AGBL4: variants seen among roughly 807,000 people sequenced by gnomAD.
AGBL4 encodes the protein AGBL carboxypeptidase 4, also known as cytosolic carboxypeptidase 6.
AGBL4 carries 58 observed loss-of-function variants against 66.4 expected under a neutral mutation model. The observed-to-expected ratio is 0.87, with a 90% CI of 0.71 to 1.09. The LOEUF (loss-of-function observed/expected upper bound fraction) is 1.09, where lower values mean the gene tolerates loss of function less well. AGBL4 is among the 50% of genes least tolerant of loss of function. The pLI is 0.00. For synonymous variants in AGBL4, 234 were observed against 222.9 expected (o/e 1.05, Z -0.44); for missense variants, 579 against 631.0 (o/e 0.92, Z 0.88).
intron 3 of AGBL4, among the ~76,000 whole-genome samples, chr1:49,541,153 G>C (rs1031752296): frequency 6.6e-6 from 1 of 152,208 alleles, no homozygotes; most frequent in African/African-American, 2.4e-5. Context: ...TACCTGGACT[G>C]TATTTGTGAG....
intron 3 of AGBL4, among the ~76,000 whole-genome samples, chr1:49,343,614 C>T (rs1437409053): frequency 6.6e-6 from 1 of 152,174 alleles, no homozygotes; most frequent in Non-Finnish European, 1.5e-5. Flanking sequence ...TAGTAAAACG[C>T]ATGATAAAAG....
chr1:48,699,934 T>C (rs12758170), intron 6 of AGBL4, among the ~76,000 whole-genome samples: 3,474 of 62,500 alleles, frequency 0.056, 61 homozygotes, highest in Non-Finnish European at 0.11. Context: ...CATATATAAA[T>C]ATACATTATA....
chr1:49,327,333 A>G (rs1400887145), intron 3 of AGBL4, among the ~76,000 whole-genome samples: 5 of 152,224 alleles, frequency 3.3e-5, no homozygotes, highest in Non-Finnish European at 7.3e-5. Context: ...GATGAGCATA[A>G]TTTACTAAAC....
chr1:49,234,281 T>C (rs931521982), intron 4 of AGBL4, among the ~76,000 whole-genome samples: 16 of 152,098 alleles, frequency 1.1e-4, no homozygotes, highest in African/African-American at 3.1e-4. Context: ...AGTAAATCCA[T>C]AGGAAAATCT....
intron 4 of AGBL4, among the ~76,000 whole-genome samples, chr1:49,120,581 T>C (rs988246145): frequency 2.6e-5 from 4 of 152,144 alleles, no homozygotes; most frequent in African/African-American, 9.7e-5. Flanking sequence ...GTCTGATGGG[T>C]TTCCCTTTGT....
At chr1:48,934,168 T>C (rs1214710944) in intron 5 of AGBL4, among the ~76,000 whole-genome samples, 1 of 152,182 alleles carries the variant, frequency 6.6e-6, no homozygotes, top group Non-Finnish European at 1.5e-5. Flanking sequence ...AATGATTCAA[T>C]AATGCACGTG....
At chr1:49,181,994 A>C (rs1646937756) in intron 4 of AGBL4, among the ~76,000 whole-genome samples, 1 of 152,230 alleles carries the variant, frequency 6.6e-6, no homozygotes, top group South Asian at 2.1e-4. Flanking sequence ...GGACGTAGGC[A>C]GTGGTATCTG....
chr1:50,011,121 G>A (rs968607880), intron 1 of AGBL4, among the ~76,000 whole-genome samples: 1 of 151,594 alleles, frequency 6.6e-6, no homozygotes, highest in African/African-American at 2.4e-5. Flanking sequence ...AAAAAGATTT[G>A]TTAAATTTGT....
At chr1:49,535,752 C>T (rs1357297574) in intron 3 of AGBL4, among the ~76,000 whole-genome samples, 9 of 152,226 alleles carry the variant, frequency 5.9e-5, no homozygotes, top group African/African-American at 9.6e-5. Flanking sequence ...AGTGCCGTGG[C>T]GCGATCTCGG....
chr1:49,038,222 AT>A lies in AGBL4; in HGVS notation c.594+7361del, dbSNP rs1664816340. ...ATTTAATAATAATAATACTCACATAATATTCTTCTGACCAATCTTGAGGCTA... is the reference window on the plus strand; with the variant it reads ...ATTTAATAATAATAATACTCACATAAATTCTTCTGACCAATCTTGAGGCTA... On this transcript the variant is annotated intron_variant, in intron 5 of 13. Transcript: ENST00000371839. 1.3e-5 allele frequency among the ~76,000 whole-genome samples: 2 copies of A among 152,088 alleles called. 1 individual carries two copies. The highest frequency in any genetic ancestry group is 1.3e-4 in the Admixed American group (2 of 15,248).
At chr1:49,674,363 C>T (rs1487553576) in intron 3 of AGBL4, among the ~76,000 whole-genome samples, 1 of 151,910 alleles carries the variant, frequency 6.6e-6, no homozygotes, top group East Asian at 1.9e-4. Context: ...ATGTATTCTT[C>T]ATGACACCTC....
At chr1:48,742,664 G>T in intron 6 of AGBL4, 2 of 1,609,412 alleles carry the variant, frequency 1.2e-6, no homozygotes, top group Non-Finnish European at 1.7e-6. Flanking sequence ...ACAGGCGCAG[G>T]AGCGGGGTAA....
intron 2 of AGBL4, among the ~76,000 whole-genome samples, chr1:49,819,346 C>G (rs566814471): frequency 1.3e-5 from 2 of 152,276 alleles, no homozygotes; most frequent in South Asian, 2.1e-4. Flanking sequence ...TTCACAATAT[C>G]AGAACTCTTT....
chr1:48,565,456 T>C (rs1232015455), intron 11 of AGBL4, among the ~76,000 whole-genome samples: 1 of 152,216 alleles, frequency 6.6e-6, no homozygotes, highest in African/African-American at 2.4e-5. Flanking sequence ...GTTTCTAGTA[T>C]CTACCCCTGA....
intron 3 of AGBL4, among the ~76,000 whole-genome samples, chr1:49,372,090 C>T (rs1644358303): frequency 1.3e-5 from 2 of 152,064 alleles, no homozygotes; most frequent in East Asian, 1.9e-4. Context: ...GGTGGCATAT[C>T]CTGCTTAGAA....
At chr1:49,410,659 C>T (rs1645296840) in intron 3 of AGBL4, among the ~76,000 whole-genome samples, 2 of 152,162 alleles carry the variant, frequency 1.3e-5, no homozygotes, top group African/African-American at 4.8e-5. Context: ...TAGGTTCTAG[C>T]TCTCTTGATT....
At chr1:50,017,024 A>T (rs866206058) in intron 1 of AGBL4, 1 of 152,172 alleles carries the variant, frequency 6.6e-6, no homozygotes, top group South Asian at 2.1e-4. Flanking sequence ...TAGGAAAGAC[A>T]TGGAATCAAC....
intron 1 of AGBL4, among the ~76,000 whole-genome samples, chr1:50,000,761 A>G (rs1348677500): frequency 6.6e-6 from 1 of 152,220 alleles, no homozygotes; most frequent in Non-Finnish European, 1.5e-5. Flanking sequence ...AAATAATGGC[A>G]TTCACAGCAA....
chr1:49,224,780 A>C (rs1255910741), intron 4 of AGBL4, among the ~76,000 whole-genome samples: 1 of 152,096 alleles, frequency 6.6e-6, no homozygotes, highest in Non-Finnish European at 1.5e-5. Context: ...CACAGTCTCT[A>C]CTCTTTAGGG....
Sources: gnomAD v4.1 joint callset for allele counts (sites outside exome capture counted in the v4.1 genomes callset) on GRCh38, gnomAD v4.1.1 for gene constraint, MANE v1.5 for transcripts, NCBI Gene and HGNC (gene_info 2026-07-23, HGNC 2026-07-21) for gene names.